The following CLSTN2 variants were observed in gnomAD, a reference collection of about 807,000 sequenced individuals.
The protein encoded by CLSTN2 is calsyntenin-2.
In CLSTN2, 48 loss-of-function variants were observed where a neutral mutation model predicts 101.2. The observed-to-expected ratio is 0.47, with a 90% CI of 0.38 to 0.60. The LOEUF (loss-of-function observed/expected upper bound fraction) is 0.60. Ranked by LOEUF, CLSTN2 falls within the 20% of genes least tolerant of loss-of-function variation. CLSTN2 has a pLI of 0.00. For synonymous variants in CLSTN2, 481 were observed against 463.6 expected, an observed-to-expected ratio of 1.04 and a Z score of -0.48; for missense variants, 1,160 against 1,238.2, an observed-to-expected ratio of 0.94 and a Z score of 0.95.
intron 1 of CLSTN2, 60 bp from the exon 2 acceptor site, chr3:140,175,891 T>G: frequency 6.7e-7 from 1 of 1,499,522 alleles, no homozygotes; most frequent in Non-Finnish European, 9.2e-7. Context: ...TAATAATACA[T>G]TATTATGGGT....
At chr3:140,110,074 A>G (rs1378478805) in intron 1 of CLSTN2, among the ~76,000 whole-genome samples, 5 of 152,186 alleles carry the variant, frequency 3.3e-5, no homozygotes, top group East Asian at 3.8e-4. Context: ...TCTTTATTCT[A>G]AAGGACTGGC....
intron 1 of CLSTN2, among the ~76,000 whole-genome samples, chr3:140,018,150 G>A (rs1016559013): frequency 3.9e-5 from 6 of 152,174 alleles, no homozygotes; most frequent in African/African-American, 7.2e-5. Context: ...CTATCCTTAC[G>A]TCTCATTGTA....
At position 140,345,545 on chromosome 3, in the gene CLSTN2, C is replaced by T. The variant is rs112719196; in HGVS notation, c.233-58084C>T. On this transcript the variant is annotated intron_variant, in intron 2 of 16. Coordinates refer to ENST00000458420, the MANE Select transcript of CLSTN2 (RefSeq NM_022131.3). Reference sequence around the variant, plus strand: ...GATTACAGCCATGAGCCACCGCGCCCGGCCGGATATAGCCTTTTTTTATGC... The same window carrying T: ...GATTACAGCCATGAGCCACCGCGCCTGGCCGGATATAGCCTTTTTTTATGC... Among the ~76,000 whole-genome samples, 1,059 of 151,662 alleles carry T rather than the reference C, an allele frequency of 7.0e-3. 17 individuals are homozygous for T. The highest frequency in any genetic ancestry group is 0.024 in the African/African-American group (982 of 41,342).
At chr3:140,334,912 T>C (rs1284273873) in intron 2 of CLSTN2, among the ~76,000 whole-genome samples, 1 of 152,164 alleles carries the variant, frequency 6.6e-6, no homozygotes, top group Non-Finnish European at 1.5e-5. Context: ...ACCTCAGGAA[T>C]GTGCGGTCAT....
intron 4 of CLSTN2, among the ~76,000 whole-genome samples, chr3:140,407,793 T>C (rs929230228): frequency 6.6e-6 from 1 of 152,132 alleles, no homozygotes; most frequent in South Asian, 2.1e-4. Context: ...TCCTAAAACA[T>C]AAAGAGCTAG....
intron 2 of CLSTN2, among the ~76,000 whole-genome samples, chr3:140,190,573 T>A (rs942688153): frequency 2.6e-5 from 4 of 152,176 alleles, no homozygotes; most frequent in Admixed American, 6.6e-5. Context: ...TATCTCTACA[T>A]GTGTTTACAT....
At chr3:140,161,244 T>A (rs1020990427) in intron 1 of CLSTN2, among the ~76,000 whole-genome samples, 19 of 152,192 alleles carry the variant, frequency 1.2e-4, no homozygotes, top group African/African-American at 4.1e-4. Context: ...ACACAATAGT[T>A]GCCTCCTAAA....
chr3:140,132,953 C>T (rs1449953959), intron 1 of CLSTN2, among the ~76,000 whole-genome samples: 1 of 152,130 alleles, frequency 6.6e-6, no homozygotes, highest in African/African-American at 2.4e-5. Context: ...GGGATATGCT[C>T]ATAGAATGTT....
intron 1 of CLSTN2, among the ~76,000 whole-genome samples, chr3:140,075,021 A>G (rs1311773410): frequency 1.3e-5 from 2 of 152,148 alleles, no homozygotes; most frequent in African/African-American, 2.4e-5. Flanking sequence ...TTACCTCTGG[A>G]AGCACCAATA....
chr3:140,084,167 A>C (rs774188496), intron 1 of CLSTN2, among the ~76,000 whole-genome samples: 4 of 152,158 alleles, frequency 2.6e-5, no homozygotes, highest in Non-Finnish European at 5.9e-5. Context: ...TTCTTGTTTC[A>C]AATGGGATGC....
chr3:140,205,628 C>CCCCCG (rs1491325904), intron 2 of CLSTN2, among the ~76,000 whole-genome samples: 1 of 112,906 alleles, frequency 8.9e-6, no homozygotes. Flanking sequence ...GCCCCCCACC[C>CCCCCG]ACACACACAC....
At chr3:140,200,124 C>T (rs931820920) in intron 2 of CLSTN2, among the ~76,000 whole-genome samples, 1 of 152,114 alleles carries the variant, frequency 6.6e-6, no homozygotes, top group Admixed American at 6.5e-5. Context: ...TCCCTGGGAA[C>T]TTTGTTCTAG....
intron 16 of CLSTN2, among the ~76,000 whole-genome samples, chr3:140,564,779 T>A (rs148456759): frequency 6.6e-6 from 1 of 152,304 alleles, no homozygotes; most frequent in Non-Finnish European, 1.5e-5. Context: ...TAGTCAAATT[T>A]AAGGTTATCT....
chr3:140,419,958 T>C lies in CLSTN2; in HGVS notation c.638-1167T>C, dbSNP rs186776625. ...CCCAGGCTGGAGTACAGTGTTGCGA[T>C]CTCTGCTCACTACAACCTCCACTTT... On this transcript the variant is annotated intron_variant, in intron 4 of 16. Transcript: ENST00000458420. 2.4e-3 allele frequency among the ~76,000 whole-genome samples: 353 copies of C among 149,508 alleles called. 2 individuals carry two copies. The highest frequency in any genetic ancestry group is 8.3e-3 in the African/African-American group (332 of 40,056).
chr3:139,950,619 C>G (rs1167841963), intron 1 of CLSTN2, among the ~76,000 whole-genome samples: 28 of 152,286 alleles, frequency 1.8e-4, no homozygotes, highest in Admixed American at 1.8e-3. Flanking sequence ...GTATCAGAAC[C>G]AATGGTCCCT....
intron 1 of CLSTN2, among the ~76,000 whole-genome samples, chr3:139,956,345 T>G (rs1484184308): frequency 6.6e-6 from 1 of 152,152 alleles, no homozygotes; most frequent in African/African-American, 2.4e-5. Flanking sequence ...ATTCTCCTCC[T>G]CTGCAGATGT....
At chr3:140,391,183 A>G (rs2088109881) in intron 2 of CLSTN2, among the ~76,000 whole-genome samples, 1 of 152,116 alleles carries the variant, frequency 6.6e-6, no homozygotes, top group Non-Finnish European at 1.5e-5. Context: ...TTTACCTGCT[A>G]GAAAGACAAC....
rs542639537 is a variant in CLSTN2 at position 140,111,073 on chromosome 3, C to T, written c.110-64878C>T. ...CATCCAAGGTTTAATGTGTATCACT[C>T]TATGCTTCCTATCTCATGGCTAATC... On this transcript the variant is annotated intron_variant, in intron 1 of 16. Transcript: ENST00000458420. Among the ~76,000 whole-genome samples, 34 of 152,298 alleles carry T rather than the reference C, an allele frequency of 2.2e-4. No individual in the cohort carries two copies. The South Asian group carries it at 3.7e-3, about 17-fold the overall frequency.
intron 1 of CLSTN2, among the ~76,000 whole-genome samples, chr3:140,023,654 T>C (rs1238230385): frequency 6.6e-6 from 1 of 152,152 alleles, no homozygotes; most frequent in East Asian, 1.9e-4. Context: ...GGGGCACCTC[T>C]ACTGCCCCAG....
Sources: allele counts gnomAD v4.1 joint callset (sites outside exome capture counted in the v4.1 genomes callset), GRCh38; gene constraint gnomAD v4.1.1; transcripts MANE v1.5; gene names NCBI Gene and HGNC (gene_info 2026-07-23, HGNC 2026-07-21).